The following DIP2C variants were observed in gnomAD, a reference collection of about 807,000 sequenced individuals.
DIP2C encodes DIP2 acetate--CoA ligase C (putative).
Under a neutral mutation model 192.4 loss-of-function variants are expected in DIP2C, and 33 were observed. The observed-to-expected ratio is 0.17, with a 90% CI of 0.13 to 0.23. The LOEUF is 0.23. DIP2C is among the 10% of genes least tolerant of loss of function. DIP2C has a pLI of 1.00. For synonymous variants in DIP2C, 979 were observed against 864.1 expected, an observed-to-expected ratio of 1.13 and a Z score of -2.33; for missense variants, 1,537 against 2,110.1, an observed-to-expected ratio of 0.73 and a Z score of 5.32.
chr10:577,376 G>C (rs1850237275), intron 1 of DIP2C, among the ~76,000 whole-genome samples: 1 of 152,222 alleles, frequency 6.6e-6, no homozygotes, highest in African/African-American at 2.4e-5. Context: ...TGAGAAATTA[G>C]TCACGTTTAA....
At chr10:449,848 CTA>C (rs1310760869) in intron 3 of DIP2C, among the ~76,000 whole-genome samples, 2 of 143,116 alleles carry the variant, frequency 1.4e-5, no homozygotes, top group South Asian at 2.2e-4. Context: ...TATTAATAAA[CTA>C]TTAATAAAAA....
intron 1 of DIP2C, among the ~76,000 whole-genome samples, chr10:673,597 G>T (rs1316050713): frequency 6.6e-6 from 1 of 152,088 alleles, no homozygotes; most frequent in Non-Finnish European, 1.5e-5. Flanking sequence ...CAGAAGACGG[G>T]GCCATCCAAG....
chr10:288,603 G>T (rs1009384816), intron 32 of DIP2C, among the ~76,000 whole-genome samples, 182 bp from the exon 33 acceptor site: 1 of 152,224 alleles, frequency 6.6e-6, no homozygotes, highest in Admixed American at 6.5e-5. Flanking sequence ...AACCCGAAGC[G>T]AGGGCCACAG....
chr10:680,302 C>T (rs561835648), intron 1 of DIP2C, among the ~76,000 whole-genome samples: 9 of 152,324 alleles, frequency 5.9e-5, no homozygotes, highest in South Asian at 2.1e-4. Context: ...CCCGCTCACA[C>T]GCACGGCCTG....
At chr10:627,421 T>C (rs1009404852) in intron 1 of DIP2C, among the ~76,000 whole-genome samples, 22 of 152,098 alleles carry the variant, frequency 1.4e-4, no homozygotes, top group African/African-American at 5.3e-4. Flanking sequence ...CTAAACAAAG[T>C]AGGGTTTTGT....
chr10:650,248 A>C, intron 1 of DIP2C: 1 of 717,116 alleles, frequency 1.4e-6, no homozygotes, highest in Non-Finnish European at 2.6e-6. Flanking sequence ...TCCCCTCAGG[A>C]GACAGCTGGC....
At chr10:434,614 C>T (rs1967027929) in intron 4 of DIP2C, among the ~76,000 whole-genome samples, 1 of 152,224 alleles carries the variant, frequency 6.6e-6, no homozygotes, top group South Asian at 2.1e-4. Flanking sequence ...TTACTGACCT[C>T]TACTATTTTC....
intron 1 of DIP2C, among the ~76,000 whole-genome samples, chr10:509,913 G>A (rs1845894855): frequency 6.6e-6 from 1 of 152,218 alleles, no homozygotes; most frequent in African/African-American, 2.4e-5. Flanking sequence ...TAAGCAGCAA[G>A]AGGAAGCTTC....
intron 31 of DIP2C, among the ~76,000 whole-genome samples, chr10:317,477 T>C (rs1356966685): frequency 1.3e-5 from 2 of 152,238 alleles, no homozygotes; most frequent in African/African-American, 2.4e-5. Flanking sequence ...GTTTAGGGGC[T>C]GCCAAGCCAC....
intron 3 of DIP2C, among the ~76,000 whole-genome samples, chr10:467,923 G>A (rs899120375): frequency 1.3e-5 from 2 of 152,054 alleles, no homozygotes; most frequent in African/African-American, 2.4e-5. Flanking sequence ...TGCATGTTCT[G>A]CACATGTACT....
At chr10:286,798 T>C (rs926197524) in intron 33 of DIP2C, among the ~76,000 whole-genome samples, 1 of 152,166 alleles carries the variant, frequency 6.6e-6, no homozygotes, top group Non-Finnish European at 1.5e-5. Context: ...GGCACACACA[T>C]GGATGGAGGG....
rs142643222 is a variant in DIP2C, at chr10:618,565, T to A, written c.85+70929A>T. Among the ~76,000 whole-genome samples the A allele has an allele frequency of 1.7e-4, 25 of 144,592 alleles. 2 individuals are homozygous for A. The East Asian group carries it at 5.0e-3, about 29-fold the overall frequency. 94.9% of individuals were successfully genotyped at this position (144,592 alleles called of 152,430 possible). A position where few individuals can be genotyped will look rare whatever the true frequency, so the allele number is the denominator to read the frequency against. The stretch of plus-strand genomic sequence containing the variant: ...CCAGGTGACGGTGGCTTTCACTCCA[T>A]CCCAAAGCTCCATGTATGAATTTAG... On this transcript the variant is annotated intron_variant, in intron 1 of 36. Transcript: ENST00000280886.
At chr10:682,744 C>CAAA (rs78896185) in intron 1 of DIP2C, among the ~76,000 whole-genome samples, 1 of 141,654 alleles carries the variant, frequency 7.1e-6, no homozygotes, top group Non-Finnish European at 1.6e-5. Flanking sequence ...GATAATTCAG[C>CAAA]AAAAAAAAAA....
chr10:586,090 CA>C (rs1441772970), intron 1 of DIP2C, among the ~76,000 whole-genome samples: 3 of 152,162 alleles, frequency 2.0e-5, no homozygotes, highest in Non-Finnish European at 4.4e-5. Context: ...CCAACCAAGG[CA>C]AAGTAAGGTC....
chr10:399,585 T>C (rs773342539), intron 9 of DIP2C, among the ~76,000 whole-genome samples: 6 of 152,236 alleles, frequency 3.9e-5, no homozygotes, highest in Non-Finnish European at 8.8e-5. Flanking sequence ...TGGGACAGCA[T>C]GTGCAGGACT....
Position 424,932 on chromosome 10 carries a change from C to T in DIP2C, c.395-1899G>A, listed in dbSNP as rs189290932. 1.8e-3 allele frequency among the ~76,000 whole-genome samples: 277 copies of T among 152,270 alleles called. 3 individuals carry two copies. The highest frequency in any genetic ancestry group is 3.4e-3 in the Middle Eastern group (1 of 294). On this transcript the variant is annotated intron_variant, in intron 4 of 36. Coordinates refer to ENST00000280886, the MANE Select transcript of DIP2C (RefSeq NM_014974.3). ...GACACGGATGATACAGCATAACCAA[C>T]GGTGACTAATATGACACAGATGATA...
chr10:592,155 AT>A (rs1446449870), intron 1 of DIP2C, among the ~76,000 whole-genome samples: 1 of 151,820 alleles, frequency 6.6e-6, no homozygotes, highest in Non-Finnish European at 1.5e-5. Context: ...ATTTCTGCTA[AT>A]TAGGAAGCAT....
chr10:489,431 G>A (rs1844265773), intron 1 of DIP2C, among the ~76,000 whole-genome samples: 1 of 152,262 alleles, frequency 6.6e-6, no homozygotes, highest in Admixed American at 6.5e-5. Context: ...CAGGTGGTGG[G>A]AGGTGAGAGA....
rs532404279 is a variant in DIP2C at position 384,598 on chromosome 10, C to A, written c.1704G>T (p.Ser568=). 1 of 1,613,848 alleles carries A rather than the reference C, an allele frequency of 6.2e-7. No homozygotes were observed. The highest frequency in any genetic ancestry group is 1.1e-5 in the South Asian group (1 of 91,082). Residue 568 remains serine (S), a synonymous_variant, in exon 15 of 37, where the codon TCG becomes TCT. Transcript: ENST00000280886. ...AGGAGAGAGGGTTCACCTTCATCAG[C>A]GAGTACGGGATGCTGATCACATGCA... ...NMMHVISIPY[S]LMKVNPLSWI... is the part of the protein sequence containing the mutation.
Sources: gnomAD v4.1 joint callset for allele counts (sites outside exome capture counted in the v4.1 genomes callset) on GRCh38, gnomAD v4.1.1 for gene constraint, MANE v1.5 for transcripts, NCBI Gene and HGNC (gene_info 2026-07-23, HGNC 2026-07-21) for gene names.